Variants in NCALD observed in about 807,000 individuals in gnomAD.
The protein encoded by NCALD is neurocalcin delta, also known as neurocalcin-delta.
In NCALD, 10 loss-of-function variants were observed where a neutral mutation model predicts 18.6. The observed-to-expected ratio is 0.54, with a 90% confidence interval of 0.33 to 0.91. The LOEUF (loss-of-function observed/expected upper bound fraction) is 0.91, where lower values mean the gene tolerates loss of function less well. Ranked by LOEUF, NCALD falls within the 40% of genes least tolerant of loss-of-function variation. NCALD has a pLI of 0.03. For missense variants in NCALD, 184 were observed against 247.6 expected (o/e 0.74, Z 1.72); for synonymous variants, 88 against 87.4 (o/e 1.01, Z -0.04).
At chr8:101,898,026 TCTC>T (rs924882418) in intron 3 of NCALD, among the ~76,000 whole-genome samples, 5 of 151,046 alleles carry the variant, frequency 3.3e-5, no homozygotes, top group South Asian at 2.1e-4. Flanking sequence ...CACATATTCT[TCTC>T]CTCGATGCCA....
chr8:101,719,555 A>G lies in NCALD; in HGVS notation c.75T>C (p.His25=). The G allele has an allele frequency of 1.2e-6, 2 of 1,606,360 alleles. No individual in the cohort carries two copies. The highest frequency in any genetic ancestry group is 1.7e-6 in the Non-Finnish European group (2 of 1,173,018). The change falls in exon 2 of 4, where the codon CAT becomes CAC. Residue 25 remains histidine, a synonymous_variant. Transcript: ENST00000220931. The part of the protein sequence containing the change: ...DLLESTDFTE[H]EIQEWYKGFL... ...AGCCTTTATACCATTCCTGGATCTC[A>G]TGCTCTGTAAAGTCTGTGCTTTCCA...
At position 102,069,114 on chromosome 8, in the gene NCALD, C is replaced by T. The variant is rs1824100864; in HGVS notation, c.-209-48825G>A. ...GAGAGAAGGAATAAGTTTTAGGGAT[C>T]GATTGCACAGTATGGCTAATAGTTA... On this transcript the variant is annotated intron_variant, in intron 1 of 6. Coordinates refer to the NCALD transcript ENST00000311028. 1.3e-5 allele frequency among the ~76,000 whole-genome samples: 2 copies of T among 151,556 alleles called. 1 individual carries two copies. Among genetic ancestry groups the T allele is most frequent in the South Asian group, 4.2e-4 (2 of 4,810 alleles).
At chr8:101,950,325 C>G (rs1313522941) in intron 2 of NCALD, 2 of 151,698 alleles carry the variant, frequency 1.3e-5, no homozygotes, top group African/African-American at 4.8e-5. Context: ...TTGCATAATC[C>G]CCAAATGGCT....
At chr8:101,807,505 C>G (rs1813148378) in intron 4 of NCALD, among the ~76,000 whole-genome samples, 1 of 152,134 alleles carries the variant, frequency 6.6e-6, no homozygotes, top group African/African-American at 2.4e-5. Flanking sequence ...AAAATTAAAT[C>G]ATTTGCCCAG....
At chr8:102,096,994 G>A (rs1423709106) in intron 1 of NCALD, among the ~76,000 whole-genome samples, 1 of 152,068 alleles carries the variant, frequency 6.6e-6, no homozygotes, top group Non-Finnish European at 1.5e-5. Context: ...TGAGGTACTG[G>A]GGGCCTAAGA....
At chr8:101,776,841 A>G (rs1563758294) in intron 1 of NCALD, among the ~76,000 whole-genome samples, 1 of 152,180 alleles carries the variant, frequency 6.6e-6, no homozygotes, top group East Asian at 1.9e-4. Context: ...ACACCTATTG[A>G]ACTGCGGACG....
intron 1 of NCALD, among the ~76,000 whole-genome samples, chr8:102,100,380 T>C (rs1158420289): frequency 2.0e-5 from 3 of 152,248 alleles, no homozygotes; most frequent in African/African-American, 4.8e-5. Flanking sequence ...GCAACTACTT[T>C]TAACAATTTT....
At chr8:101,925,305 C>T (rs183724130) in intron 2 of NCALD, among the ~76,000 whole-genome samples, 1 of 152,196 alleles carries the variant, frequency 6.6e-6, no homozygotes, top group Non-Finnish European at 1.5e-5. Flanking sequence ...TTTATCCATT[C>T]ATTGAACAAA....
chr8:101,900,890 C>G (rs1373951189), intron 3 of NCALD, among the ~76,000 whole-genome samples: 2 of 151,914 alleles, frequency 1.3e-5, no homozygotes, highest in Non-Finnish European at 2.9e-5. Flanking sequence ...TGCTGGTTTT[C>G]TGTCTAGTTG....
chr8:102,116,881 A>G (rs973701270), intron 1 of NCALD, among the ~76,000 whole-genome samples: 2 of 152,220 alleles, frequency 1.3e-5, no homozygotes, highest in Non-Finnish European at 2.9e-5. Flanking sequence ...GATGTCATAA[A>G]GGATCTTGAA....
At chr8:101,803,258 C>A (rs1074703) in intron 4 of NCALD, among the ~76,000 whole-genome samples, 97,035 of 152,064 alleles carry the variant, frequency 0.64, 33,464 homozygotes, top group Non-Finnish European at 0.77. Flanking sequence ...AATGGAACAA[C>A]AAAGCCTGGA....
intron 1 of NCALD, among the ~76,000 whole-genome samples, chr8:102,119,088 C>G (rs1186494343): frequency 6.6e-6 from 1 of 152,144 alleles, no homozygotes; most frequent in Non-Finnish European, 1.5e-5. Context: ...CCCAGAAGAA[C>G]TGAAAACAGG....
chr8:101,751,489 A>C (rs1267018995), intron 1 of NCALD, among the ~76,000 whole-genome samples: 1 of 152,146 alleles, frequency 6.6e-6, no homozygotes, highest in East Asian at 1.9e-4. Context: ...GCCTAAAATT[A>C]GTTAAAATGG....
chr8:101,971,246 C>G (rs966163078), intron 2 of NCALD, among the ~76,000 whole-genome samples: 1 of 152,034 alleles, frequency 6.6e-6, no homozygotes, highest in East Asian at 1.9e-4. Context: ...CAGTGTGTAT[C>G]GTGGTCTTCA....
intron 2 of NCALD, among the ~76,000 whole-genome samples, chr8:101,993,146 A>G (rs1821112630): frequency 6.7e-6 from 1 of 148,588 alleles, no homozygotes; most frequent in Non-Finnish European, 1.5e-5. Context: ...CTCACTCTAC[A>G]GGAAAAAAAA....
At chr8:102,050,855 ATTAATTTAATTAATTT>A (rs1823429180) in intron 1 of NCALD, among the ~76,000 whole-genome samples, 1 of 146,202 alleles carries the variant, frequency 6.8e-6, no homozygotes, top group African/African-American at 2.5e-5. Flanking sequence ...AATTTAATTA[ATTAATTTAATTAATTT>A]TTAATTTAAT....
chr8:101,838,300 C>T (rs543298452), intron 4 of NCALD, among the ~76,000 whole-genome samples: 2 of 152,148 alleles, frequency 1.3e-5, no homozygotes, highest in South Asian at 2.1e-4. Context: ...CAGCTCACTG[C>T]AGCCTCCACC....
chr8:101,707,837 C>T (rs184334481), intron 2 of NCALD, among the ~76,000 whole-genome samples: 44 of 151,944 alleles, frequency 2.9e-4, no homozygotes, highest in Admixed American at 2.4e-3. Context: ...TACTGCACTC[C>T]AGCCTGGACG....
intron 4 of NCALD, among the ~76,000 whole-genome samples, chr8:101,835,572 C>A (rs935604176): frequency 3.9e-5 from 6 of 152,178 alleles, no homozygotes; most frequent in Non-Finnish European, 5.9e-5. Flanking sequence ...TGTATCCAGC[C>A]AACAAACAGG....
Sources: gnomAD v4.1 joint callset for allele counts (sites outside exome capture counted in the v4.1 genomes callset) on GRCh38, gnomAD v4.1.1 for gene constraint, MANE v1.5 for transcripts, NCBI Gene and HGNC (gene_info 2026-07-23, HGNC 2026-07-21) for gene names.